Variants in WDFY2 observed in about 807,000 individuals in gnomAD.
WDFY2 encodes the protein WD repeat and FYVE domain containing 2, also known as WD repeat and FYVE domain-containing protein 2.
Under a neutral mutation model 56.4 loss-of-function variants are expected in WDFY2, and 36 were observed. The ratio of observed to expected loss-of-function variants is 0.64; its 90% confidence interval spans 0.49 to 0.84. The LOEUF (loss-of-function observed/expected upper bound fraction) is 0.84. Among genes scored for constraint, WDFY2 ranks in the 40% least tolerant of loss-of-function variants. The pLI, the probability that WDFY2 is intolerant of heterozygous loss-of-function variation, is 0.00. For synonymous variants in WDFY2, 176 were observed against 183.7 expected (o/e 0.96, Z 0.34); for missense variants, 444 against 512.2 (o/e 0.87, Z 1.29).
intron 1 of WDFY2, among the ~76,000 whole-genome samples, chr13:51,633,970 C>G (rs535784642): frequency 6.6e-6 from 1 of 152,224 alleles, no homozygotes; most frequent in South Asian, 2.1e-4. Context: ...AGGAGAGAAT[C>G]GTTGTTAAGA....
intron 4 of WDFY2, among the ~76,000 whole-genome samples, chr13:51,709,411 C>T (rs533590150): frequency 2.0e-5 from 3 of 152,172 alleles, no homozygotes; most frequent in Non-Finnish European, 2.9e-5. Flanking sequence ...CCAATGCTTC[C>T]GGAGGTGGGA....
chr13:51,710,741 G>A (rs1392142869), intron 4 of WDFY2, among the ~76,000 whole-genome samples: 2 of 152,136 alleles, frequency 1.3e-5, no homozygotes, highest in Admixed American at 6.5e-5. Context: ...GGGATGTGAA[G>A]GACCTCTTCA....
rs1286069638 is a variant in WDFY2 at position 51,758,192 on chromosome 13, A to G, written c.1065A>G (p.Glu355=). The change falls in exon 11 of 12, where the codon GAA becomes GAG. Residue 355 remains glutamate, a splice_region_variant and synonymous_variant. Coordinates refer to ENST00000298125, the MANE Select transcript of WDFY2 (RefSeq NM_052950.4). ...DSCHEAITDE[E]RAPTATFHDS... ...CAGAAGCTTTCTTTGCTCCTTCTAGACGTGCACCCACAGCCACCTTCCATG... is the reference window on the plus strand; with the variant it reads ...CAGAAGCTTTCTTTGCTCCTTCTAGGCGTGCACCCACAGCCACCTTCCATG... 5.1e-6 allele frequency: 8 copies of G among 1,569,890 alleles called. No homozygotes were observed. In the Admixed American group the frequency reaches 6.7e-5, roughly 13 times the overall value.
At chr13:51,659,436 C>T (rs924554913) in intron 1 of WDFY2, among the ~76,000 whole-genome samples, 4 of 152,044 alleles carry the variant, frequency 2.6e-5, no homozygotes, top group African/African-American at 7.3e-5. Context: ...CCTATGATCC[C>T]CTGGCAGTGG....
intron 1 of WDFY2, among the ~76,000 whole-genome samples, chr13:51,649,727 C>A (rs1162827270): frequency 6.6e-6 from 1 of 151,976 alleles, no homozygotes; most frequent in Non-Finnish European, 1.5e-5. Flanking sequence ...TGATGGTTTC[C>A]AGCTTCATTC....
At chr13:51,599,997 C>T (rs1954237145) in intron 1 of WDFY2, among the ~76,000 whole-genome samples, 2 of 152,156 alleles carry the variant, frequency 1.3e-5, no homozygotes, top group Admixed American at 6.5e-5. Flanking sequence ...CTTCCTTCCT[C>T]CTTCTCCCCT....
At chr13:51,587,398 A>G (rs1026066429) in intron 1 of WDFY2, 1 of 152,224 alleles carries the variant, frequency 6.6e-6, no homozygotes, top group Admixed American at 6.5e-5. Context: ...CGTTTGTTGT[A>G]TCAGTGACTG....
chr13:51,747,864 CTT>C (rs1296647747), intron 7 of WDFY2, among the ~76,000 whole-genome samples: 2 of 152,176 alleles, frequency 1.3e-5, no homozygotes, highest in Non-Finnish European at 2.9e-5. Flanking sequence ...GGGAACAAGT[CTT>C]TATGATTTTC....
chr13:51,753,433 T>A (rs1953282653), intron 8 of WDFY2, among the ~76,000 whole-genome samples: 1 of 152,232 alleles, frequency 6.6e-6, no homozygotes, highest in Admixed American at 6.5e-5. Context: ...TAGCATTTTT[T>A]AAAAGTATAT....
At chr13:51,585,541 G>A (rs559224750) in intron 1 of WDFY2, among the ~76,000 whole-genome samples, 4 of 152,302 alleles carry the variant, frequency 2.6e-5, no homozygotes, top group African/African-American at 9.6e-5. Flanking sequence ...GGAACTAGTT[G>A]TTCTGCCTTC....
At chr13:51,738,971 T>C in intron 6 of WDFY2, 78 bp from the exon 7 acceptor site, 3 of 1,386,438 alleles carry the variant, frequency 2.2e-6, no homozygotes, top group Non-Finnish European at 2.8e-6. Flanking sequence ...CTAGGTTCTG[T>C]CTCCGCTGCA....
rs1953774636 is a variant in WDFY2, at chr13:51,767,112, A to G, written c.*7343A>G. On this transcript the variant is annotated 3_prime_UTR_variant, in exon 12 of 12. Coordinates refer to ENST00000298125, the MANE Select transcript of WDFY2 (RefSeq NM_052950.4). ...GGCAAACACTGCCAGGGAAAGCCTC[A>G]TTTAAAACTTGTGAGGTTCATTTTA... The G allele has an allele frequency of 6.6e-6, 1 of 152,276 alleles. No homozygotes were observed. The highest frequency in any genetic ancestry group is 6.5e-5 in the Admixed American group (1 of 15,292). The allele number at this position is 152,276 out of a possible 1,614,324, so 9.4% of individuals were successfully genotyped here.
chr13:51,584,955 A>G (rs1953907887), intron 1 of WDFY2, 131 bp downstream of exon 1: 1 of 1,278,824 alleles, frequency 7.8e-7, no homozygotes, highest in Non-Finnish European at 1.1e-6. Context: ...TGTAATGCGC[A>G]TCCTGGTGGT....
chr13:51,695,159 T>C (rs1482357908), intron 3 of WDFY2, among the ~76,000 whole-genome samples: 4 of 152,246 alleles, frequency 2.6e-5, no homozygotes, highest in Non-Finnish European at 4.4e-5. Flanking sequence ...AGTTTGATCG[T>C]CTGAAGCCTT....
intron 6 of WDFY2, among the ~76,000 whole-genome samples, chr13:51,735,985 C>T (rs1169045111): frequency 2.0e-5 from 3 of 152,142 alleles, no homozygotes; most frequent in Admixed American, 1.3e-4. Context: ...GCCCTGACCC[C>T]TTCTGGCCTG....
chr13:51,686,380 A>G (rs1405380907), intron 3 of WDFY2, among the ~76,000 whole-genome samples: 3 of 152,166 alleles, frequency 2.0e-5, no homozygotes, highest in African/African-American at 7.2e-5. Flanking sequence ...GGCAGAAATT[A>G]TATTCATTTC....
chr13:51,695,986 C>G (rs539733369), intron 3 of WDFY2, among the ~76,000 whole-genome samples: 1 of 152,190 alleles, frequency 6.6e-6, no homozygotes. Context: ...GAGCCAGGTG[C>G]GGGATATAAT....
chr13:51,732,054 A>C (rs898260090), intron 6 of WDFY2, among the ~76,000 whole-genome samples: 7 of 152,248 alleles, frequency 4.6e-5, no homozygotes, highest in Non-Finnish European at 1.0e-4. Flanking sequence ...GCCGGATATC[A>C]TAGTTCTTTG....
rs946892071 is a variant in WDFY2 at position 51,701,048 on chromosome 13, A to G, written c.280-2548A>G. Among the ~76,000 whole-genome samples the G allele has an allele frequency of 2.6e-5, 4 of 152,384 alleles. No individual in the cohort carries two copies. In the East Asian group the frequency reaches 7.7e-4, roughly 29 times the overall value. On this transcript the variant is annotated intron_variant, in intron 3 of 11. Coordinates refer to ENST00000298125, the MANE Select transcript of WDFY2 (RefSeq NM_052950.4). ...TGAGTATGTACTCATGTGGAATTGC[A>G]TGCATGAACTGTGAAAAGAAAACAG...
Sources: allele counts gnomAD v4.1 joint callset (sites outside exome capture counted in the v4.1 genomes callset), GRCh38; gene constraint gnomAD v4.1.1; transcripts MANE v1.5; gene names NCBI Gene and HGNC (gene_info 2026-07-23, HGNC 2026-07-21).